The following HSPA14 variants were observed in gnomAD, a reference collection of about 807,000 sequenced individuals.
HSPA14 encodes heat shock protein family A (Hsp70) member 14.
Under a neutral mutation model 65.5 loss-of-function variants are expected in HSPA14, and 37 were observed. The observed-to-expected ratio is 0.56, with a 90% CI of 0.43 to 0.74. The LOEUF (loss-of-function observed/expected upper bound fraction) is 0.74. Ranked by LOEUF, HSPA14 falls within the 30% of genes least tolerant of loss-of-function variation. The pLI, the probability that HSPA14 is intolerant of heterozygous loss-of-function variation, is 0.00. For missense variants in HSPA14, 564 were observed against 607.6 expected (o/e 0.93, Z 0.75); for synonymous variants, 203 against 214.2 (o/e 0.95, Z 0.46).
In HSPA14 at chr10:14,838,388, C is replaced by T. The variant is rs372179968; in HGVS notation, c.-15C>T. ...GGGACCCCCTCATTCCTGCCGCTGC[C>T]GTCCCTGCTGCCTCATGGCGGCCAT... On this transcript the variant is annotated 5_prime_UTR_variant, in exon 1 of 14. Coordinates refer to ENST00000378372, the MANE Select transcript of HSPA14 (RefSeq NM_016299.4). 3.1e-5 allele frequency: 49 copies of T among 1,598,518 alleles called. No individual in the cohort carries two copies. In the African/African-American group the frequency reaches 6.0e-4, roughly 20 times the overall value.
At position 14,870,624 on chromosome 10, in the gene HSPA14, GA is replaced by G; in HGVS notation, c.1412del (p.Asn471MetfsTer7). On this transcript the variant is annotated frameshift_variant, in exon 13 of 14. Transcript: ENST00000378372. LOFTEE classifies it high-confidence loss of function. ...TGTACTCCAGGATTTAGATAAAAAA[GA>G]AAATGGATTACGTGATATATTAGCT... ...QVVLQDLDKK[E>X]NGLRDILAVL... 2 of 1,582,998 alleles carry G rather than the reference GA, an allele frequency of 1.3e-6. No homozygotes were observed. Among genetic ancestry groups the G allele is most frequent in the Non-Finnish European group, 1.7e-6 (2 of 1,158,594 alleles).
chr10:14,859,788 C>G (rs942014220), intron 10 of HSPA14, among the ~76,000 whole-genome samples: 4 of 152,130 alleles, frequency 2.6e-5, no homozygotes, highest in Non-Finnish European at 5.9e-5. Context: ...AAATTGCTCA[C>G]CAAAAAGCAA....
At chr10:14,870,730 T>G in intron 13 of HSPA14, 63 bp downstream of exon 13, 1 of 1,367,238 alleles carries the variant, frequency 7.3e-7, no homozygotes, top group Non-Finnish European at 9.8e-7. Flanking sequence ...TTTTTGAGTT[T>G]ATTGATTTTT....
chr10:14,840,281 A>G, intron 3 of HSPA14, 124 bp downstream of exon 3: 1 of 386,010 alleles, frequency 2.6e-6, no homozygotes, highest in Non-Finnish European at 4.6e-6. Flanking sequence ...TGACTGAGTC[A>G]TTACAGAGAG....
At chr10:14,844,928 T>C (rs1255356828) in intron 3 of HSPA14, 3 of 985,342 alleles carry the variant, frequency 3.0e-6, no homozygotes, top group African/African-American at 3.5e-5. Context: ...ACGTTTCCTT[T>C]TGAGGAGCTT....
At chr10:14,849,516 C>A in intron 5 of HSPA14, 2 of 661,204 alleles carry the variant, frequency 3.0e-6, no homozygotes, top group Non-Finnish European at 5.7e-6. Context: ...AAAGCTAATT[C>A]TGTGTCCAAA....
intron 10 of HSPA14, among the ~76,000 whole-genome samples, chr10:14,865,717 G>T (rs1311226239): frequency 1.3e-5 from 2 of 152,134 alleles, no homozygotes; most frequent in Admixed American, 1.3e-4. Context: ...TGCTGTTTTG[G>T]TTACTGTAGC....
intron 10 of HSPA14, among the ~76,000 whole-genome samples, chr10:14,857,014 TGA>T (rs1832707648): frequency 6.6e-6 from 1 of 152,244 alleles, no homozygotes; most frequent in Non-Finnish European, 1.5e-5. Context: ...TATAGTTTTG[TGA>T]GTTTTTTTAA....
chr10:14,846,354 G>C, intron 3 of HSPA14: 1 of 985,348 alleles, frequency 1.0e-6, no homozygotes, highest in Non-Finnish European at 1.2e-6. Flanking sequence ...GATGAAAGGA[G>C]TGCTGAAGAA....
In HSPA14 at chr10:14,838,418, G is replaced by A. The variant is rs1281709143; in HGVS notation, c.16G>A (p.Val6Ile). The A allele has an allele frequency of 1.2e-6, 2 of 1,606,118 alleles. No homozygotes were observed. Among genetic ancestry groups the A allele is most frequent in the Non-Finnish European group, 1.7e-6 (2 of 1,178,410 alleles). Residue 6 changes from valine to isoleucine, a missense_variant, in exon 1 of 14, where the codon GTT (valine) becomes ATT (isoleucine). Transcript: ENST00000378372. MAAIG[V>I]HLGCTSACVA... ...CTGCTGCCTCATGGCGGCCATCGGAGTTCACCTGGGCTGCACCTCAGCCTG... is the reference window on the plus strand; with the variant it reads ...CTGCTGCCTCATGGCGGCCATCGGAATTCACCTGGGCTGCACCTCAGCCTG...
intron 12 of HSPA14, among the ~76,000 whole-genome samples, chr10:14,869,968 T>C (rs1175239283): frequency 6.6e-6 from 1 of 152,230 alleles, no homozygotes; most frequent in Non-Finnish European, 1.5e-5. Context: ...ATTTTACAAA[T>C]GAGTAAAACA....
chr10:14,861,006 G>A lies in HSPA14; in HGVS notation c.993+5063G>A, dbSNP rs935637309. Among the ~76,000 whole-genome samples, 7 of 152,260 alleles carry A rather than the reference G, an allele frequency of 4.6e-5. No homozygotes were observed. In the South Asian group the frequency reaches 1.4e-3, roughly 32 times the overall value. On this transcript the variant is annotated intron_variant, in intron 10 of 13. Transcript: ENST00000378372. Reference sequence around the variant, plus strand: ...AACATATCCTTAAGGAAGGGAGAGAGCAGCTGCCCTGTGATGCCAGAGGTA... The same window carrying A: ...AACATATCCTTAAGGAAGGGAGAGAACAGCTGCCCTGTGATGCCAGAGGTA...
rs910610448 is a variant in HSPA14 at position 14,857,112 on chromosome 10, T to G, written c.993+1169T>G. Among the ~76,000 whole-genome samples, 5 of 152,180 alleles carry G rather than the reference T, an allele frequency of 3.3e-5. No homozygotes were observed. In the East Asian group the frequency reaches 9.6e-4, roughly 29 times the overall value. ...ATTTCCCCCCATATTACTATAGTCT[T>G]TTTAAACATAATTTGAAATAGATTG... On this transcript the variant is annotated intron_variant, in intron 10 of 13. Coordinates refer to ENST00000378372, the MANE Select transcript of HSPA14 (RefSeq NM_016299.4).
chr10:14,865,038 C>A lies in HSPA14; in HGVS notation c.994-2045C>A, dbSNP rs547108444. 2.6e-3 allele frequency among the ~76,000 whole-genome samples: 400 copies of A among 152,094 alleles called. 3 individuals are homozygous for A. The highest frequency in any genetic ancestry group is 8.9e-3 in the African/African-American group (369 of 41,442). On this transcript the variant is annotated intron_variant, in intron 10 of 13. Transcript: ENST00000378372. The stretch of plus-strand genomic sequence containing the variant: ...TCTAACTGGTGTGAGATGGTATCTC[C>A]TTGTGGTTTTGATTTGCATTTCTCT...
chr10:14,862,974 G>A (rs1339279171), intron 10 of HSPA14, among the ~76,000 whole-genome samples: 2 of 152,188 alleles, frequency 1.3e-5, no homozygotes, highest in African/African-American at 2.4e-5. Flanking sequence ...GTGAGCCACT[G>A]CGCTTGGCCT....
In HSPA14 at chr10:14,852,330, A is replaced by G. The variant is rs954503242; in HGVS notation, c.573-40A>G. On this transcript the variant is annotated intron_variant, in intron 7 of 13. Coordinates refer to ENST00000378372, the MANE Select transcript of HSPA14 (RefSeq NM_016299.4). ...CTTCTAATATCCAACTTAGTTTTAA[A>G]ATGTTATTCCCTGATAACTTACTTT... 3.9e-6 allele frequency: 6 copies of G among 1,549,952 alleles called. No homozygotes were observed. The African/African-American group carries it at 8.2e-5, about 21-fold the overall frequency.
At position 14,848,638 on chromosome 10, in the gene HSPA14, T is replaced by A; in HGVS notation, c.251T>A (p.Ile84Asn). 1 of 1,611,364 alleles carries A rather than the reference T, an allele frequency of 6.2e-7. No homozygotes were observed. ...SSSDPQAQKY[I>N]AESKCLVIEK... ...AGTGATCCACAAGCTCAGAAATACA[T>A]CGCGGAAAGTAAATGTTTAGTGAGT... The change falls in exon 4 of 14, where the codon ATC (isoleucine) becomes AAC (asparagine). Residue 84 changes from isoleucine to asparagine, a missense_variant. Ile to Asn is a moderately radical substitution (Grantham distance 149, BLOSUM62 -3). Coordinates refer to ENST00000378372, the MANE Select transcript of HSPA14 (RefSeq NM_016299.4).
chr10:14,862,376 C>CTTTTT (rs753404160), intron 10 of HSPA14, among the ~76,000 whole-genome samples: 23 of 128,628 alleles, frequency 1.8e-4, no homozygotes, highest in South Asian at 2.5e-4. Context: ...CTTTTCTTTT[C>CTTTTT]TTTTTTTTTT....
chr10:14,846,411 G>A (rs1337480297), intron 3 of HSPA14: 52 of 985,340 alleles, frequency 5.3e-5, no homozygotes, highest in Non-Finnish European at 6.1e-5. Flanking sequence ...AATTCAATGG[G>A]TAAAGTAACC....
Sources: gnomAD v4.1 joint callset for allele counts (sites outside exome capture counted in the v4.1 genomes callset) on GRCh38, gnomAD v4.1.1 for gene constraint, MANE v1.5 for transcripts, NCBI Gene and HGNC (gene_info 2026-07-23, HGNC 2026-07-21) for gene names.